TENM1: variants seen among roughly 807,000 people sequenced by gnomAD.
The protein encoded by TENM1 is teneurin-1.
Under a neutral mutation model 174.8 loss-of-function variants are expected in TENM1, and 35 were observed. That is an observed-to-expected ratio of 0.20 (90% CI 0.15 to 0.27). The LOEUF (loss-of-function observed/expected upper bound fraction) is 0.27. Ranked by LOEUF, TENM1 falls within the 10% of genes least tolerant of loss-of-function variation. The pLI, the probability that TENM1 is intolerant of heterozygous loss-of-function variation, is 1.00. For missense variants in TENM1, 1,633 were observed against 2,130.1 expected (o/e 0.77, Z 4.59); for synonymous variants, 781 against 798.7 (o/e 0.98, Z 0.37).
At chrX:124,467,457 T>C (rs2061252331) in intron 22 of TENM1, among the ~76,000 whole-genome samples, 1 of 111,478 alleles carries the variant, frequency 9.0e-6, no homozygotes, top group Non-Finnish European at 1.9e-5. Context: ...ACTCCACATA[T>C]GGGTACATAC....
chrX:124,723,903 C>G lies in TENM1; in HGVS notation c.776+13054G>C, dbSNP rs760817657. 2.7e-5 allele frequency among the ~76,000 whole-genome samples: 3 copies of G among 111,407 alleles called. No homozygotes were observed. In the East Asian group the frequency reaches 8.5e-4, roughly 31 times the overall value. ...CATGAGCAACCATGCCCGGCCGAAG[C>G]TGGGTTTTAACTGACTCCACTACAC... On this transcript the variant is annotated intron_variant, in intron 4 of 31. Transcript: ENST00000422452.
Position 124,616,956 on chromosome X carries a change from G to C in TENM1, c.2077+24835C>G, listed in dbSNP as rs2050412445. On this transcript the variant is annotated intron_variant, in intron 11 of 31. Transcript: ENST00000422452. ...AGAGTCCTCTCCCCTTTTGCCTCTT[G>C]GTGCTAAGGAAAGAAAAGCATCTAA... Among the ~76,000 whole-genome samples the C allele has an allele frequency of 3.6e-5, 4 of 111,590 alleles. No homozygotes were observed. The South Asian group carries it at 1.5e-3, about 42-fold the overall frequency.
the TENM1 span, among the ~76,000 whole-genome samples, chrX:125,038,047 T>G: frequency 1.8e-5 from 2 of 111,664 alleles, no homozygotes; most frequent in African/African-American, 6.5e-5. Flanking sequence ...CTCACAGTCC[T>G]GTTTTTCACA....
In TENM1 at chrX:124,481,695, G is replaced by A. The variant is rs868190278; in HGVS notation, c.3949+37C>T. ...AATAAAATCTTTAGATGACCCAAGGGTATATATATATATATATTTATTTAT... is the reference window on the plus strand; with the variant it reads ...AATAAAATCTTTAGATGACCCAAGGATATATATATATATATATTTATTTAT... On this transcript the variant is annotated intron_variant, in intron 22 of 31. Coordinates refer to ENST00000422452, the Ensembl canonical transcript of TENM1. 1.5e-4 allele frequency: 40 copies of A among 263,942 alleles called. No homozygotes were observed. In the Middle Eastern group the frequency reaches 3.7e-3, roughly 24 times the overall value. 21.8% of individuals were successfully genotyped at this position (263,942 alleles called of 1,213,427 possible).
At chrX:125,030,432 A>AT in the TENM1 span, among the ~76,000 whole-genome samples, 5 of 112,118 alleles carry the variant, frequency 4.5e-5, no homozygotes, top group Non-Finnish European at 9.4e-5. Context: ...AAGACATTAC[A>AT]TTTTTTTCTA....
intron 11 of TENM1, among the ~76,000 whole-genome samples, chrX:124,581,523 A>G (rs2049310628): frequency 9.1e-6 from 1 of 110,330 alleles, no homozygotes; most frequent in African/African-American, 3.4e-5. Flanking sequence ...TCTTTTTGGT[A>G]GAACAATTTG....
intron 19 of TENM1, among the ~76,000 whole-genome samples, chrX:124,501,939 T>C (rs1232569086): frequency 9.0e-6 from 1 of 111,727 alleles, no homozygotes; most frequent in Non-Finnish European, 1.9e-5. Context: ...ACAAATGAGA[T>C]GATAAAATGA....
chrX:124,693,026 A>AAG (rs1283638767), intron 5 of TENM1, among the ~76,000 whole-genome samples: 66 of 97,532 alleles, frequency 6.8e-4, no homozygotes, highest in African/African-American at 2.4e-3. Flanking sequence ...AAAAAAAAAG[A>AAG]AAAAAAAAAA....
the TENM1 span, among the ~76,000 whole-genome samples, chrX:125,162,846 T>G: frequency 0.08 from 8,929 of 111,108 alleles, 363 homozygotes; most frequent in East Asian, 0.14. Flanking sequence ...CCTTGAACAC[T>G]GCAAAGACGA....
chrX:124,898,783 C>T (rs897418860), intron 1 of TENM1, among the ~76,000 whole-genome samples: 4 of 111,756 alleles, frequency 3.6e-5, no homozygotes, highest in African/African-American at 9.8e-5. Flanking sequence ...TAAGAAAATG[C>T]TGTGTAATCT....
At chrX:124,515,344 G>A (rs1173270748) in intron 18 of TENM1, among the ~76,000 whole-genome samples, 2 of 111,298 alleles carry the variant, frequency 1.8e-5, no homozygotes, top group African/African-American at 6.5e-5. Context: ...GGAAGTCCTG[G>A]CCAGAGCAAT....
rs182498035 is a variant in TENM1 at position 124,902,124 on chromosome X, C to T, written c.218-5883G>A. Among the ~76,000 whole-genome samples, 326 of 112,075 alleles carry T rather than the reference C, an allele frequency of 2.9e-3. 4 individuals are homozygous for T. Among genetic ancestry groups the T allele is most frequent in the Middle Eastern group, 0.019 (4 of 216 alleles). ...GGATCCAACTAGAAATAAATCTCTA[C>T]GTAACTGCCTTGTTCTAAAATTCTA... On this transcript the variant is annotated intron_variant, in intron 1 of 31. Coordinates refer to ENST00000422452, the Ensembl canonical transcript of TENM1.
chrX:124,509,282 C>T (rs1343584518), intron 18 of TENM1, among the ~76,000 whole-genome samples: 1 of 110,705 alleles, frequency 9.0e-6, no homozygotes, highest in African/African-American at 3.3e-5. Context: ...GTGTGGAAGG[C>T]CTTGAGACTT....
At chrX:125,013,321 T>C in the TENM1 span, among the ~76,000 whole-genome samples, 1 of 111,864 alleles carries the variant, frequency 8.9e-6, no homozygotes, top group Non-Finnish European at 1.9e-5. Context: ...ATTTTTGACA[T>C]TTTATCTAAA....
intron 23 of TENM1, among the ~76,000 whole-genome samples, chrX:124,433,232 A>C (rs5910089): frequency 0.084 from 9,435 of 111,989 alleles, 366 homozygotes; most frequent in Admixed American, 0.14. Context: ...CATTACATTC[A>C]AACTGGTCTA....
At chrX:124,568,537 T>C (rs2048989251) in intron 11 of TENM1, among the ~76,000 whole-genome samples, 1 of 112,079 alleles carries the variant, frequency 8.9e-6, no homozygotes, top group Non-Finnish European at 1.9e-5. Context: ...GAAAGCCTTA[T>C]ATTATTCGGG....
At chrX:125,170,052 T>C in the TENM1 span, among the ~76,000 whole-genome samples, 1 of 111,241 alleles carries the variant, frequency 9.0e-6, no homozygotes, top group Non-Finnish European at 1.9e-5. Flanking sequence ...ACCAAATGTC[T>C]CCCTCATTGG....
chrX:124,418,643 C>T (rs2060619330), intron 25 of TENM1, among the ~76,000 whole-genome samples: 1 of 111,830 alleles, frequency 8.9e-6, no homozygotes, highest in Admixed American at 9.5e-5. Flanking sequence ...GCGCCTAGAA[C>T]ATTGTATGGT....
chrX:124,945,599 G>A (rs1371521110), intron 1 of TENM1, among the ~76,000 whole-genome samples: 1 of 110,889 alleles, frequency 9.0e-6, no homozygotes, highest in Non-Finnish European at 1.9e-5. Context: ...AAGGTTTGAT[G>A]GTAAAATGGA....
Sources: gnomAD v4.1 joint callset for allele counts (sites outside exome capture counted in the v4.1 genomes callset) on GRCh38, gnomAD v4.1.1 for gene constraint, MANE v1.5 for transcripts, NCBI Gene and HGNC (gene_info 2026-07-23, HGNC 2026-07-21) for gene names.